Variants in DLGAP2 observed in about 807,000 individuals in gnomAD.
The protein encoded by DLGAP2 is disks large-associated protein 2.
Under a neutral mutation model 100.3 loss-of-function variants are expected in DLGAP2, and 26 were observed. The ratio of observed to expected loss-of-function variants is 0.26; its 90% CI spans 0.19 to 0.36. The LOEUF (loss-of-function observed/expected upper bound fraction) is 0.36. Ranked by LOEUF, DLGAP2 falls within the 10% of genes least tolerant of loss-of-function variation. The pLI, the probability that DLGAP2 is intolerant of heterozygous loss-of-function variation, is 1.00. For missense variants in DLGAP2, 1,858 were observed against 1,453.2 expected (o/e 1.28, Z -4.53); for synonymous variants, 886 against 630.1 (o/e 1.41, Z -6.08).
chr8:1,178,367 C>T (rs578220781), intron 2 of DLGAP2, among the ~76,000 whole-genome samples: 8 of 152,154 alleles, frequency 5.3e-5, no homozygotes, highest in African/African-American at 9.6e-5. Flanking sequence ...GCAGCAGTGG[C>T]GGTGGCAGTG....
At chr8:1,440,493 C>T (rs1704385720) in intron 3 of DLGAP2, among the ~76,000 whole-genome samples, 1 of 152,196 alleles carries the variant, frequency 6.6e-6, no homozygotes, top group African/African-American at 2.4e-5. Context: ...CTTGAGCCAG[C>T]AGAGAGAAAA....
rs115803178 is a variant in DLGAP2 at position 1,687,549 on chromosome 8, A to G, written c.2705-3986A>G. Among the ~76,000 whole-genome samples the G allele has an allele frequency of 3.5e-3, 526 of 152,344 alleles. 4 individuals are homozygous for G. The highest frequency in any genetic ancestry group is 0.012 in the African/African-American group (486 of 41,584). ...CACTGAACAGCAAAATTCTCCTACC[A>G]TTAGCAGGCATGTCATTAGCTACAC... On this transcript the variant is annotated intron_variant, in intron 12 of 14. Coordinates refer to ENST00000637795, the MANE Select transcript of DLGAP2 (RefSeq NM_001346810.2).
At chr8:1,191,930 C>T (rs6989310) in intron 2 of DLGAP2, among the ~76,000 whole-genome samples, 121,265 of 152,170 alleles carry the variant, frequency 0.8, 48,458 homozygotes, top group Middle Eastern at 0.84. Flanking sequence ...CCCTCAACTA[C>T]GGCCATTGTT....
At chr8:1,503,064 A>G (rs1402319029) in intron 4 of DLGAP2, among the ~76,000 whole-genome samples, 1 of 152,212 alleles carries the variant, frequency 6.6e-6, no homozygotes, top group African/African-American at 2.4e-5. Context: ...ACAAGTGAGC[A>G]TCGAGGGATG....
chr8:860,699 C>G (rs1342187855), intron 1 of DLGAP2, among the ~76,000 whole-genome samples: 1 of 152,134 alleles, frequency 6.6e-6, no homozygotes, highest in Non-Finnish European at 1.5e-5. Context: ...CTTTCATTCA[C>G]TTTTTCATTT....
chr8:1,332,925 C>T (rs1037675567), intron 3 of DLGAP2, among the ~76,000 whole-genome samples: 15 of 152,160 alleles, frequency 9.9e-5, no homozygotes, highest in Non-Finnish European at 1.6e-4. Context: ...GCTGATGTTT[C>T]CTCAGAGAGC....
chr8:890,955 C>G (rs553419692), intron 1 of DLGAP2, among the ~76,000 whole-genome samples: 35 of 152,268 alleles, frequency 2.3e-4, no homozygotes, highest in African/African-American at 8.4e-4. Context: ...ACTGGCTCCC[C>G]CTTGTCCTCA....
chr8:1,353,853 A>C (rs1801789130), intron 3 of DLGAP2, among the ~76,000 whole-genome samples: 1 of 152,242 alleles, frequency 6.6e-6, no homozygotes, highest in South Asian at 2.1e-4. Flanking sequence ...AATATCTCAA[A>C]TCAATATGAA....
At chr8:1,417,167 G>A (rs72621159) in intron 3 of DLGAP2, among the ~76,000 whole-genome samples, 980 of 85,398 alleles carry the variant, frequency 0.011, 60 homozygotes, top group African/African-American at 0.05. Context: ...TGAAGGGGAA[G>A]CCCCCGTTCA....
At chr8:1,426,231 A>G (rs189144664) in intron 3 of DLGAP2, among the ~76,000 whole-genome samples, 20 of 152,336 alleles carry the variant, frequency 1.3e-4, no homozygotes, top group African/African-American at 4.1e-4. Flanking sequence ...TGATGAGAAC[A>G]GAGGCAGATG....
chr8:1,457,132 G>A (rs1263093567), intron 3 of DLGAP2, among the ~76,000 whole-genome samples: 2 of 152,162 alleles, frequency 1.3e-5, no homozygotes, highest in African/African-American at 4.8e-5. Flanking sequence ...AGATTTTTCA[G>A]TGTATCCTAT....
At chr8:1,253,316 C>A (rs944397405) in intron 2 of DLGAP2, among the ~76,000 whole-genome samples, 1 of 152,134 alleles carries the variant, frequency 6.6e-6, no homozygotes, top group Non-Finnish European at 1.5e-5. Context: ...GCTGCCAGGG[C>A]CCCTTTATCT....
intron 2 of DLGAP2, among the ~76,000 whole-genome samples, chr8:1,186,265 C>T (rs973162166): frequency 3.9e-5 from 6 of 152,224 alleles, no homozygotes; most frequent in Admixed American, 3.3e-4. Flanking sequence ...ACTAGAGGGC[C>T]GAGCATCTGC....
chr8:1,147,474 C>G (rs1796628682), intron 2 of DLGAP2, among the ~76,000 whole-genome samples: 1 of 151,388 alleles, frequency 6.6e-6, no homozygotes, highest in Non-Finnish European at 1.5e-5. Flanking sequence ...TTTTGAAATT[C>G]ATAAATTGAA....
Position 1,706,356 on chromosome 8 carries a change from C to G in DLGAP2, c.*4950C>G, listed in dbSNP as rs1208512980. The G allele has an allele frequency of 6.6e-6, 1 of 152,326 alleles. No individual in the cohort carries two copies. The highest frequency in any genetic ancestry group is 2.4e-5 in the African/African-American group (1 of 41,564). 9.4% of individuals were successfully genotyped at this position (152,326 alleles called of 1,614,324 possible). On this transcript the variant is annotated 3_prime_UTR_variant, in exon 15 of 15. Coordinates refer to ENST00000637795, the MANE Select transcript of DLGAP2 (RefSeq NM_001346810.2). ...TTAATGACATATTGGCTCTAAAGTCCTTTGAGCTCCTGGGAACAGGTGGTG... is the reference window on the plus strand; with the variant it reads ...TTAATGACATATTGGCTCTAAAGTCGTTTGAGCTCCTGGGAACAGGTGGTG...
At chr8:855,619 G>C (rs556647649) in intron 1 of DLGAP2, among the ~76,000 whole-genome samples, 9 of 152,328 alleles carry the variant, frequency 5.9e-5, no homozygotes, top group African/African-American at 1.9e-4. Flanking sequence ...AGGTGCCTGA[G>C]AGTGAAGCCA....
intron 1 of DLGAP2, among the ~76,000 whole-genome samples, chr8:883,779 T>C (rs115389738): frequency 0.014 from 2,195 of 152,220 alleles, 55 homozygotes; most frequent in African/African-American, 0.049. Context: ...ATCCTGTAAG[T>C]TTCCTCCCCC....
intron 2 of DLGAP2, among the ~76,000 whole-genome samples, chr8:1,065,550 C>G (rs1803218788): frequency 6.6e-6 from 1 of 152,176 alleles, no homozygotes; most frequent in Non-Finnish European, 1.5e-5. Flanking sequence ...AAACCAGTGA[C>G]CTCTGTAAAA....
intron 2 of DLGAP2, among the ~76,000 whole-genome samples, chr8:1,142,498 G>C (rs1425810392): frequency 6.6e-6 from 1 of 152,178 alleles, no homozygotes; most frequent in Non-Finnish European, 1.5e-5. Flanking sequence ...TGAATTATTT[G>C]GGTCTAGTAT....
Sources: allele counts gnomAD v4.1 joint callset (sites outside exome capture counted in the v4.1 genomes callset), GRCh38; gene constraint gnomAD v4.1.1; transcripts MANE v1.5; gene names NCBI Gene and HGNC (gene_info 2026-07-23, HGNC 2026-07-21).